The following KPNA6 variants were observed in gnomAD, a reference collection of about 807,000 sequenced individuals.
KPNA6 encodes the protein karyopherin subunit alpha 6.
In KPNA6, 9 loss-of-function variants were observed where a neutral mutation model predicts 72.0. The ratio of observed to expected loss-of-function variants is 0.13; its 90% CI spans 0.08 to 0.22. KPNA6 has a LOEUF of 0.22. Ranked by LOEUF, KPNA6 falls within the 10% of genes least tolerant of loss-of-function variation. KPNA6 has a pLI of 1.00. For synonymous variants in KPNA6, 219 were observed against 242.1 expected (o/e 0.90, Z 0.89); for missense variants, 374 against 655.7 (o/e 0.57, Z 4.69).
intron 6 of KPNA6, 122 bp downstream of exon 6, chr1:32,159,653 T>C: frequency 9.1e-7 from 1 of 1,104,602 alleles, no homozygotes; most frequent in African/African-American, 1.6e-5. Context: ...GTGATAGGGG[T>C]GTCAAGTACA....
chr1:32,125,532 A>G (rs1641516336), intron 1 of KPNA6, among the ~76,000 whole-genome samples: 1 of 152,176 alleles, frequency 6.6e-6, no homozygotes, highest in Admixed American at 6.5e-5. Context: ...TGTAGCATAG[A>G]TCCTGCATAT....
rs113829696 is a variant in KPNA6 at position 32,111,700 on chromosome 1, G to A, written c.4+3566G>A. Reference sequence around the variant, plus strand: ...CCTGCCTTCACATGCCCACAAGTACGGAACCTGCCGTATTTCACTGCCTCT... The same window carrying A: ...CCTGCCTTCACATGCCCACAAGTACAGAACCTGCCGTATTTCACTGCCTCT... On this transcript the variant is annotated intron_variant, in intron 1 of 13. Coordinates refer to ENST00000373625, the MANE Select transcript of KPNA6 (RefSeq NM_012316.5). Among the ~76,000 whole-genome samples, 33 of 152,234 alleles carry A rather than the reference G, an allele frequency of 2.2e-4. 1 individual carries two copies. Among genetic ancestry groups the A allele is most frequent in the African/African-American group, 6.7e-4 (28 of 41,534 alleles).
intron 1 of KPNA6, among the ~76,000 whole-genome samples, chr1:32,118,416 CT>C (rs976578068): frequency 1.1e-4 from 16 of 151,738 alleles, no homozygotes; most frequent in African/African-American, 3.6e-4. Flanking sequence ...TTTTCACATC[CT>C]TTTTTCTATT....
chr1:32,108,164 T>C (rs1486770425), intron 1 of KPNA6, 30 bp downstream of exon 1: 1 of 1,613,800 alleles, frequency 6.2e-7, no homozygotes, highest in Admixed American at 1.7e-5. Context: ...AGTAGGGTTC[T>C]TGGGCTCAGG....
intron 1 of KPNA6, among the ~76,000 whole-genome samples, chr1:32,153,423 G>A (rs1177318588): frequency 3.3e-5 from 5 of 150,974 alleles, no homozygotes; most frequent in South Asian, 2.1e-4. Context: ...AAAATTAGCC[G>A]TATTAGGCGT....
chr1:32,129,284 A>G (rs1641594786), intron 1 of KPNA6, among the ~76,000 whole-genome samples: 1 of 149,648 alleles, frequency 6.7e-6, no homozygotes, highest in Non-Finnish European at 1.5e-5. Context: ...TTCCCACCTC[A>G]GTCTCCCTAG....
chr1:32,139,367 A>G (rs1315591863), intron 1 of KPNA6, among the ~76,000 whole-genome samples: 1 of 152,210 alleles, frequency 6.6e-6, no homozygotes, highest in Non-Finnish European at 1.5e-5. Context: ...GAAGGCAAAA[A>G]GAACAGGAAG....
At chr1:32,145,617 G>A (rs1018972572) in intron 1 of KPNA6, among the ~76,000 whole-genome samples, 10 of 152,096 alleles carry the variant, frequency 6.6e-5, no homozygotes, top group African/African-American at 2.2e-4. Context: ...GAGCCACCCC[G>A]CCTGGTCTGG....
At chr1:32,137,132 T>C (rs1042825083) in intron 1 of KPNA6, among the ~76,000 whole-genome samples, 4 of 152,194 alleles carry the variant, frequency 2.6e-5, no homozygotes, top group Admixed American at 2.0e-4. Flanking sequence ...GTTTTAATAA[T>C]TAAGTGGTTC....
chr1:32,120,213 T>A (rs1306539352), intron 1 of KPNA6, among the ~76,000 whole-genome samples: 1 of 152,126 alleles, frequency 6.6e-6, no homozygotes, highest in East Asian at 1.9e-4. Flanking sequence ...AGTCTCTGTA[T>A]TTTACAAAAT....
chr1:32,117,714 A>G (rs1052273012), intron 1 of KPNA6, among the ~76,000 whole-genome samples: 10 of 152,154 alleles, frequency 6.6e-5, no homozygotes, highest in Admixed American at 3.3e-4. Context: ...TATTCATTTA[A>G]TTCTCAGATT....
At chr1:32,153,435 G>A (rs1269086427) in intron 1 of KPNA6, among the ~76,000 whole-genome samples, 1 of 151,746 alleles carries the variant, frequency 6.6e-6, no homozygotes, top group Non-Finnish European at 1.5e-5. Context: ...ATTAGGCGTG[G>A]TGGCAGGCAC....
At chr1:32,144,960 T>C (rs1202674580) in intron 1 of KPNA6, among the ~76,000 whole-genome samples, 2 of 150,788 alleles carry the variant, frequency 1.3e-5, no homozygotes, top group African/African-American at 4.9e-5. Context: ...ACTTTTTTTT[T>C]TTTTTTTCTT....
At chr1:32,124,957 G>T (rs1641507328) in intron 1 of KPNA6, among the ~76,000 whole-genome samples, 1 of 152,090 alleles carries the variant, frequency 6.6e-6, no homozygotes, top group Non-Finnish European at 1.5e-5. Context: ...CAATTCTCCT[G>T]CCTCAGCCTC....
At chr1:32,108,910 G>A (rs1274136654) in intron 1 of KPNA6, among the ~76,000 whole-genome samples, 1 of 152,194 alleles carries the variant, frequency 6.6e-6, no homozygotes, top group Non-Finnish European at 1.5e-5. Context: ...CGAAGTCTTT[G>A]GATTTAGAGA....
chr1:32,160,497 T>C (rs1044859892), intron 6 of KPNA6, 118 bp from the exon 7 acceptor site: 2 of 737,132 alleles, frequency 2.7e-6, no homozygotes, highest in Non-Finnish European at 4.9e-6. Context: ...TTGTGTAGTA[T>C]ATTTGGGGCC....
chr1:32,139,195 A>AACTC (rs1192951924), intron 1 of KPNA6, among the ~76,000 whole-genome samples: 1 of 152,196 alleles, frequency 6.6e-6, no homozygotes, highest in African/African-American at 2.4e-5. Flanking sequence ...GGGATACAAC[A>AACTC]ACTCTGCCTT....
At chr1:32,144,132 G>A (rs1171221660) in intron 1 of KPNA6, among the ~76,000 whole-genome samples, 1 of 152,068 alleles carries the variant, frequency 6.6e-6, no homozygotes, top group Non-Finnish European at 1.5e-5. Context: ...TAATAAAATA[G>A]AACACATAAC....
rs1349003738 is a variant in KPNA6, at chr1:32,166,209, T to C, written c.1095T>C (p.Ala365=). The C allele has an allele frequency of 1.2e-6, 2 of 1,613,932 alleles. No individual in the cohort carries two copies. The highest frequency in any genetic ancestry group is 1.3e-5 in the African/African-American group (1 of 74,894). The change falls in exon 11 of 14, where the codon GCT becomes GCC. Residue 365 remains alanine (A), a synonymous_variant. Transcript: ENST00000373625. ...GCTGGACTATTTCAAATATTACTGCTGGCAACAGGGCTCAAATACAGGTAA... is the reference window on the plus strand; with the variant it reads ...GCTGGACTATTTCAAATATTACTGCCGGCAACAGGGCTCAAATACAGGTAA... ...EACWTISNIT[A]GNRAQIQAVI...
Sources: gnomAD v4.1 joint callset for allele counts (sites outside exome capture counted in the v4.1 genomes callset) on GRCh38, gnomAD v4.1.1 for gene constraint, MANE v1.5 for transcripts, NCBI Gene and HGNC (gene_info 2026-07-23, HGNC 2026-07-21) for gene names.